The following DUSP15 variants were observed in gnomAD, a reference collection of about 807,000 sequenced individuals.
The protein encoded by DUSP15 is dual specificity phosphatase 15.
DUSP15 carries 23 observed loss-of-function variants against 26.3 expected under a neutral mutation model. The observed-to-expected ratio is 0.87, with a 90% CI of 0.63 to 1.24. The LOEUF is 1.24. Ranked by LOEUF, DUSP15 falls within the 50% of genes most tolerant of loss-of-function variation. The probability of loss-of-function intolerance (pLI) is 0.00; values close to 1 mark genes in which losing one functional copy is unlikely to be tolerated. For missense variants in DUSP15, 364 were observed against 320.6 expected, an observed-to-expected ratio of 1.14 and a Z score of -1.03; for synonymous variants, 143 against 135.5, an observed-to-expected ratio of 1.06 and a Z score of -0.39.
intron 1 of DUSP15, chr20:31,869,963 G>T (rs2062884234): frequency 1.5e-6 from 2 of 1,356,992 alleles, no homozygotes; most frequent in East Asian, 5.6e-5. Flanking sequence ...GCAGAGGCGG[G>T]ACAGGATGGA....
At chr20:31,863,281 G>A (rs2062701095) in intron 5 of DUSP15, among the ~76,000 whole-genome samples, 1 of 152,174 alleles carries the variant, frequency 6.6e-6, no homozygotes, top group African/African-American at 2.4e-5. Context: ...TGGGCAGTGT[G>A]TACAAAGACC....
Position 31,870,019 on chromosome 20 carries a change from G to C in DUSP15, c.21+298C>G. The C allele has an allele frequency of 7.5e-7, 1 of 1,326,200 alleles. No homozygotes were observed. The highest frequency in any genetic ancestry group is 9.6e-7 in the Non-Finnish European group (1 of 1,039,810). The allele number at this position is 1,326,200 out of a possible 1,614,324, so 82.2% of individuals were successfully genotyped here. A position where few individuals can be genotyped will look rare whatever the true frequency, so the allele number is the denominator to read the frequency against. ...CGAGGAGTCAGCGACAAGGGAGAGG[G>C]ACACATGCAGACGGAGAGCAGGACT... On this transcript the variant is annotated intron_variant, in intron 1 of 6. Coordinates refer to ENST00000339738, the MANE Select transcript of DUSP15 (RefSeq NM_080611.5). The surrounding 1 kb of genome is among the most constrained non-coding windows in gnomAD (Gnocchi z 6.6).
chr20:31,848,709 G>C, intron 9 of DUSP15: 1 of 1,482,216 alleles, frequency 6.7e-7, no homozygotes, highest in Non-Finnish European at 9.1e-7. Flanking sequence ...TGCTAGAAGT[G>C]TCAGAGGCAG....
chr20:31,852,975 G>T (rs1013311034), intron 6 of DUSP15, among the ~76,000 whole-genome samples: 2 of 152,122 alleles, frequency 1.3e-5, no homozygotes, highest in Admixed American at 6.5e-5. Context: ...ATCCAGGCCT[G>T]GAGGATTGGG....
chr20:31,849,607 C>T (rs1393326281), intron 8 of DUSP15: 2 of 1,455,162 alleles, frequency 1.4e-6, no homozygotes, highest in Admixed American at 3.5e-5. Context: ...TGGGCTGCGC[C>T]AGTACAGGCC....
At chr20:31,852,326 G>T (rs551786962) in intron 6 of DUSP15, among the ~76,000 whole-genome samples, 1 of 152,276 alleles carries the variant, frequency 6.6e-6, no homozygotes, top group East Asian at 1.9e-4. Flanking sequence ...TCCTTTTCTA[G>T]TGGGGAGATA....
chr20:31,857,207 G>A (rs770835040), downstream of DUSP15, among the ~76,000 whole-genome samples: 14 of 152,078 alleles, frequency 9.2e-5, no homozygotes, highest in Non-Finnish European at 1.5e-4. Context: ...GTGGATGTGC[G>A]GTTGGTTGCT....
intron 5 of DUSP15, among the ~76,000 whole-genome samples, chr20:31,863,081 G>T (rs369050642): frequency 6.6e-5 from 10 of 152,268 alleles, no homozygotes; most frequent in South Asian, 6.2e-4. Context: ...TGGCTGGGGG[G>T]GGGGGACAGA....
upstream of DUSP15, chr20:31,870,635 G>A (rs769375185): frequency 7.6e-7 from 1 of 1,321,726 alleles, no homozygotes; most frequent in Non-Finnish European, 9.7e-7. The surrounding 1 kb of genome is among the most constrained non-coding windows in gnomAD (Gnocchi z 6.6). Context: ...CAAAGCCCCA[G>A]TGTGCCGGGC....
downstream of DUSP15, among the ~76,000 whole-genome samples, chr20:31,856,879 G>A (rs1421948943): frequency 1.3e-5 from 2 of 152,080 alleles, no homozygotes; most frequent in Non-Finnish European, 2.9e-5. Context: ...CAAAGGCCTG[G>A]GAGGGGTTGC....
intron 4 of DUSP15, 143 bp downstream of exon 4, chr20:31,864,810 G>T: frequency 1.2e-6 from 1 of 863,134 alleles, no homozygotes; most frequent in Non-Finnish European, 1.9e-6. Context: ...GGTTGAGACA[G>T]AGTCAAACCT....
chr20:31,847,039 C>T (rs187116743), downstream of DUSP15, among the ~76,000 whole-genome samples: 1 of 152,278 alleles, frequency 6.6e-6, no homozygotes, highest in African/African-American at 2.4e-5. Context: ...GTCAGGCCTT[C>T]TGGAGGAGGG....
chr20:31,845,995 T>C (rs1447821030), downstream of DUSP15, among the ~76,000 whole-genome samples: 1 of 151,288 alleles, frequency 6.6e-6, no homozygotes, highest in Non-Finnish European at 1.5e-5. Context: ...GAGACAAAGA[T>C]AAGACAGAGG....
In DUSP15 at chr20:31,862,708, T is replaced by C; in HGVS notation, c.298A>G (p.Thr100Ala). ...AGISRSTTIVTAYVMTVTGLG... is the reference protein window; with the variant it reads ...AGISRSTTIVAAYVMTVTGLG... ...CCCGTCACAGTCATCACATACGCTG[T>C]CACAATCGTGGTGCTGCGAGAGATG... is the stretch of plus-strand genomic sequence containing the variant. The change falls in exon 6 of 7, where the codon ACA becomes GCA. Residue 100 changes from threonine to alanine, a missense_variant. Physicochemically the swap from Thr to Ala is moderately conservative, Grantham distance 58. Coordinates refer to ENST00000339738, the MANE Select transcript of DUSP15 (RefSeq NM_080611.5). The C allele has an allele frequency of 6.2e-7, 1 of 1,612,730 alleles. No individual in the cohort carries two copies. The highest frequency in any genetic ancestry group is 8.5e-7 in the Non-Finnish European group (1 of 1,179,068).
chr20:31,864,497 C>T, intron 4 of DUSP15: 4 of 977,728 alleles, frequency 4.1e-6, no homozygotes, highest in Non-Finnish European at 4.9e-6. Flanking sequence ...TATCCTAGAT[C>T]CTTGACCTGT....
At chr20:31,846,440 A>AAGAGAGAG (rs1385705408), downstream of DUSP15, among the ~76,000 whole-genome samples, 349 of 95,308 alleles carry the variant, frequency 3.7e-3, no homozygotes, top group African/African-American at 0.02. Context: ...GAAAGGAATG[A>AAGAGAGAG]ATAGAGAGAG....
At chr20:31,855,971 A>T (rs2062554606) in intron 6 of DUSP15, among the ~76,000 whole-genome samples, 1 of 152,080 alleles carries the variant, frequency 6.6e-6, no homozygotes, top group Non-Finnish European at 1.5e-5. Context: ...GGTTTTGGGG[A>T]ACAGGTGGTA....
At chr20:31,851,994 C>G (rs1428187627) in intron 6 of DUSP15, among the ~76,000 whole-genome samples, 1 of 144,744 alleles carries the variant, frequency 6.9e-6, no homozygotes, top group Non-Finnish European at 1.5e-5. Context: ...TCAGTTTCCT[C>G]CTTTTCTTTC....
intron 6 of DUSP15, among the ~76,000 whole-genome samples, chr20:31,851,807 C>T (rs1029794321): frequency 1.3e-5 from 2 of 152,080 alleles, no homozygotes; most frequent in East Asian, 1.9e-4. Context: ...GAGCTTCCTT[C>T]GGACTAAAGG....
Sources: allele counts gnomAD v4.1 joint callset (sites outside exome capture counted in the v4.1 genomes callset), GRCh38; gene constraint gnomAD v4.1.1; non-coding constraint Gnocchi (gnomAD v3.1); transcripts MANE v1.5; gene names NCBI Gene and HGNC (gene_info 2026-07-23, HGNC 2026-07-21).